The following PARG variants were observed in gnomAD, a reference collection of about 807,000 sequenced individuals.
PARG encodes mitochondrial poly(ADP-ribose) glycohydrolase.
A neutral mutation model predicts 113.0 loss-of-function variants in PARG; 35 were observed. That is an observed-to-expected ratio of 0.31 (90% CI 0.24 to 0.41). The LOEUF (loss-of-function observed/expected upper bound fraction) is 0.41, where lower values mean the gene tolerates loss of function less well. PARG is among the 10% of genes least tolerant of loss of function. The pLI is 1.00. For synonymous variants in PARG, 330 were observed against 409.9 expected, an observed-to-expected ratio of 0.81 and a Z score of 2.36; for missense variants, 797 against 1,169.4, an observed-to-expected ratio of 0.68 and a Z score of 4.64.
At chr10:49,867,856 C>CA (rs1217133843) in intron 10 of PARG, among the ~76,000 whole-genome samples, 1 of 151,588 alleles carries the variant, frequency 6.6e-6, no homozygotes, top group Non-Finnish European at 1.5e-5. Context: ...ACTCCCAGGA[C>CA]AAAAAAGTAA....
intron 7 of PARG, among the ~76,000 whole-genome samples, chr10:49,897,070 C>T (rs2132720446): frequency 6.6e-6 from 1 of 152,170 alleles, no homozygotes; most frequent in Admixed American, 6.5e-5. Context: ...ACTTGAGCCC[C>T]TTTTTCAGTT....
chr10:49,846,501 G>T (rs1845518450), intron 13 of PARG, among the ~76,000 whole-genome samples: 1 of 151,576 alleles, frequency 6.6e-6, no homozygotes, highest in African/African-American at 2.4e-5. Flanking sequence ...AAAAATAAAA[G>T]AACTGTAAAC....
chr10:49,846,373 G>GT (rs35336063), intron 13 of PARG, among the ~76,000 whole-genome samples: 59,851 of 145,344 alleles, frequency 0.41, 12,137 homozygotes, highest in Admixed American at 0.49. Flanking sequence ...TGATAGACAT[G>GT]TTTTTTTTTT....
At position 49,941,571 on chromosome 10, in the gene PARG, G is replaced by A; in HGVS notation, c.155C>T (p.Pro52Leu). ...CCCTGGGACGCAGGCTGGCGAGGAC[G>A]GTGGGACCCTGAACTGCACGTGAGC... Reference protein sequence around the residue: ...KDAHVQFRVPPSSPACVPGRA... With the variant: ...KDAHVQFRVPLSSPACVPGRA... The change falls in exon 1 of 18, where the codon CCG becomes CTG. Residue 52 changes from proline (P) to leucine (L), a missense_variant. Pro to Leu is a moderately conservative substitution (Grantham distance 98). Around this residue, in one of 5 missense-constraint regions of PARG, gnomAD observed 284 missense variants for 306.1 expected, o/e 0.93. Coordinates refer to ENST00000616448, the MANE Select transcript of PARG (RefSeq NM_003631.5). 6.4e-7 allele frequency: 1 copy of A among 1,562,072 alleles called. No homozygotes were observed. Among genetic ancestry groups the A allele is most frequent in the Non-Finnish European group, 8.7e-7 (1 of 1,153,748 alleles).
intron 13 of PARG, among the ~76,000 whole-genome samples, 157 bp from the exon 14 acceptor site, chr10:49,843,789 T>C (rs918113098): frequency 2.0e-5 from 3 of 152,186 alleles, no homozygotes; most frequent in African/African-American, 7.2e-5. Context: ...GCATAAAGAA[T>C]GTAAAAAAAT....
chr10:49,934,616 G>A (rs1309690007), intron 2 of PARG, among the ~76,000 whole-genome samples: 6 of 152,120 alleles, frequency 3.9e-5, no homozygotes, highest in Non-Finnish European at 7.3e-5. Context: ...TTGGGAGGTC[G>A]AGGCAGGCAG....
intron 7 of PARG, among the ~76,000 whole-genome samples, chr10:49,913,087 T>C (rs1208062145): frequency 6.6e-6 from 1 of 152,234 alleles, no homozygotes; most frequent in East Asian, 1.9e-4. Flanking sequence ...AATCTTTTCT[T>C]CCACCAATCC....
intron 7 of PARG, among the ~76,000 whole-genome samples, chr10:49,905,189 C>G (rs1215734799): frequency 6.6e-6 from 1 of 152,296 alleles, no homozygotes; most frequent in Non-Finnish European, 1.5e-5. Context: ...AAGAATTTAC[C>G]TTTTAGATGT....
intron 7 of PARG, among the ~76,000 whole-genome samples, chr10:49,905,840 A>T (rs1377829180): frequency 6.6e-6 from 1 of 152,206 alleles, no homozygotes; most frequent in African/African-American, 2.4e-5. Context: ...ATGGCTTTAG[A>T]GAAGGAGCTG....
intron 6 of PARG, among the ~76,000 whole-genome samples, chr10:49,916,992 T>C (rs1175271382): frequency 1.3e-5 from 2 of 152,100 alleles, no homozygotes; most frequent in South Asian, 2.1e-4. Context: ...CTTCATGCCA[T>C]ACTAAGTATC....
chr10:49,830,927 A>G (rs367775653), intron 16 of PARG, among the ~76,000 whole-genome samples: 1 of 152,352 alleles, frequency 6.6e-6, no homozygotes, highest in East Asian at 1.9e-4. Context: ...AATATAATGA[A>G]AACAAACTCT....
At chr10:49,820,722 CAA>C (rs35420602) in intron 16 of PARG, among the ~76,000 whole-genome samples, 14 of 124,402 alleles carry the variant, frequency 1.1e-4, no homozygotes, top group Admixed American at 3.3e-4. Context: ...GACTCCATCT[CAA>C]AAAAAAAAAA....
At chr10:49,889,722 C>T (rs1373826479) in intron 7 of PARG, among the ~76,000 whole-genome samples, 81 of 152,206 alleles carry the variant, frequency 5.3e-4, no homozygotes, top group African/African-American at 1.8e-3. Flanking sequence ...CTTTGGGTAT[C>T]CATCTTTGTC....
intron 13 of PARG, among the ~76,000 whole-genome samples, chr10:49,846,627 G>A (rs2132470708): frequency 6.6e-6 from 1 of 152,268 alleles, no homozygotes; most frequent in Admixed American, 6.5e-5. Context: ...AAGATATTGG[G>A]AGCCACATTC....
chr10:49,892,689 C>T (rs1226791900), intron 7 of PARG, among the ~76,000 whole-genome samples: 1 of 152,162 alleles, frequency 6.6e-6, no homozygotes, highest in African/African-American at 2.4e-5. Context: ...GTCATGTTGT[C>T]ATCAGTCCAT....
At chr10:49,891,985 T>C (rs1847828755) in intron 7 of PARG, among the ~76,000 whole-genome samples, 2 of 151,790 alleles carry the variant, frequency 1.3e-5, no homozygotes, top group Non-Finnish European at 2.9e-5. Flanking sequence ...ATGTCTGAAA[T>C]GCTTCTTTAA....
rs1195730077 is a variant in PARG at position 49,934,068 on chromosome 10, T to C, written c.380A>G (p.Glu127Gly). 3.2e-6 allele frequency: 5 copies of C among 1,548,664 alleles called. No individual in the cohort carries two copies. The African/African-American group carries it at 6.8e-5, about 21-fold the overall frequency. Residue 127 changes from glutamate (E) to glycine (G), a missense_variant, in exon 3 of 18, where the codon GAA (glutamate) becomes GGA (glycine). Around this residue, in one of 5 missense-constraint regions of PARG, gnomAD observed 284 missense variants for 306.1 expected, o/e 0.93. Transcript: ENST00000616448. ...ATCAAGACTTAGCTGAGAAACATTT[T>C]CTAATTTTTCTACATTATGTTGGTA... ...NFYQHNVEKL[E>G]NVSQLSLDKS... is the part of the protein sequence containing the mutation.
At chr10:49,928,198 G>T (rs1425539965) in intron 4 of PARG, among the ~76,000 whole-genome samples, 2 of 150,982 alleles carry the variant, frequency 1.3e-5, no homozygotes, top group Non-Finnish European at 3.0e-5. Context: ...TTGAACCCGG[G>T]AGGCAGAGGT....
In PARG at chr10:49,895,982, TA is replaced by T. The variant is rs577522862; in HGVS notation, c.1738-10688del. Among the ~76,000 whole-genome samples, 5 of 152,332 alleles carry T rather than the reference TA, an allele frequency of 3.3e-5. No homozygotes were observed. The South Asian group carries it at 1.0e-3, about 32-fold the overall frequency. On this transcript the variant is annotated intron_variant, in intron 7 of 17. Coordinates refer to ENST00000616448, the MANE Select transcript of PARG (RefSeq NM_003631.5). ...TGCTAAATAAATTAGTTCTAATAGT[TA>T]TTTTTTAGGTTTCTTGGGTTTTTCT... is the stretch of plus-strand genomic sequence containing the variant.
Sources: allele counts gnomAD v4.1 joint callset (sites outside exome capture counted in the v4.1 genomes callset), GRCh38; gene constraint gnomAD v4.1.1; regional missense constraint gnomAD v4.1.1; transcripts MANE v1.5; gene names NCBI Gene and HGNC (gene_info 2026-07-23, HGNC 2026-07-21).